The following NLGN1 variants were observed in gnomAD, a reference collection of about 807,000 sequenced individuals.
The protein encoded by NLGN1 is neuroligin-1.
Under a neutral mutation model 65.5 loss-of-function variants are expected in NLGN1, and 12 were observed. That is an observed-to-expected ratio of 0.18 (90% CI 0.12 to 0.30). NLGN1 has a LOEUF of 0.30. NLGN1 is among the 10% of genes least tolerant of loss of function. NLGN1 has a pLI of 1.00. For missense variants in NLGN1, 750 were observed against 1,007.1 expected, an observed-to-expected ratio of 0.74 and a Z score of 3.46; for synonymous variants, 350 against 359.5, an observed-to-expected ratio of 0.97 and a Z score of 0.30.
intron 3 of NLGN1, among the ~76,000 whole-genome samples, chr3:173,750,289 T>C (rs2150152172): frequency 6.6e-6 from 1 of 152,228 alleles, no homozygotes; most frequent in East Asian, 1.9e-4. Flanking sequence ...TTTTACTTCG[T>C]GTTAGTGATA....
At chr3:173,560,523 GA>G (rs1742547084) in intron 2 of NLGN1, among the ~76,000 whole-genome samples, 1 of 102,680 alleles carries the variant, frequency 9.7e-6, no homozygotes, top group South Asian at 3.6e-4. Flanking sequence ...TCAACAGAAT[GA>G]TTTTTTTTTT....
At chr3:173,797,380 TA>T (rs771282389) in intron 3 of NLGN1, among the ~76,000 whole-genome samples, 12 of 152,092 alleles carry the variant, frequency 7.9e-5, no homozygotes, top group Non-Finnish European at 1.6e-4. Flanking sequence ...CTGAAATCAC[TA>T]AAATACTGCT....
In NLGN1 at chr3:174,209,623, C is replaced by CTTTTTTTT. The variant is rs796169913; in HGVS notation, c.647-65673_647-65666dup. On this transcript the variant is annotated intron_variant, in intron 4 of 6. Coordinates refer to ENST00000457714, the Ensembl canonical transcript of NLGN1. Reference sequence around the variant, plus strand: ...CCCTGGTGTCTATCAACCTTTCTTTCTTTTTTTTTTTTTTTTTTTTTTTTT... The same window carrying CTTTTTTTT: ...CCCTGGTGTCTATCAACCTTTCTTTCTTTTTTTTTTTTTTTTTTTTTTTTTTTTTTTTT... Among the ~76,000 whole-genome samples the CTTTTTTTT allele has an allele frequency of 1.2e-3, 101 of 82,090 alleles. 6 individuals carry two copies. The highest frequency in any genetic ancestry group is 3.1e-3 in the East Asian group (10 of 3,190). The allele number at this position is 82,090 out of a possible 152,430, so 53.9% of individuals were successfully genotyped here.
At chr3:173,700,593 G>C (rs2149876863) in intron 3 of NLGN1, among the ~76,000 whole-genome samples, 1 of 152,236 alleles carries the variant, frequency 6.6e-6, no homozygotes, top group African/African-American at 2.4e-5. Flanking sequence ...ATAATTAAAT[G>C]CCTGTTTTCT....
chr3:173,654,253 C>A (rs1316567257), intron 3 of NLGN1, among the ~76,000 whole-genome samples: 1 of 151,886 alleles, frequency 6.6e-6, no homozygotes, highest in Non-Finnish European at 1.5e-5. Context: ...ATTTTTCTAC[C>A]CTATTCTATT....
intron 3 of NLGN1, among the ~76,000 whole-genome samples, chr3:173,806,041 A>G (rs1215412796): frequency 6.6e-6 from 1 of 152,150 alleles, no homozygotes; most frequent in Non-Finnish European, 1.5e-5. Flanking sequence ...TCCTTCCCTC[A>G]CTACTTAAAA....
intron 4 of NLGN1, among the ~76,000 whole-genome samples, chr3:173,890,844 G>A (rs983411480): frequency 1.3e-5 from 2 of 152,052 alleles, no homozygotes; most frequent in East Asian, 3.9e-4. Context: ...AATCTATGTG[G>A]CATGGCAATT....
At chr3:173,454,078 C>T (rs1009656580) in intron 2 of NLGN1, among the ~76,000 whole-genome samples, 7 of 152,168 alleles carry the variant, frequency 4.6e-5, no homozygotes, top group Non-Finnish European at 7.3e-5. Flanking sequence ...TTGTATATCT[C>T]CATCAGAGCT....
chr3:174,249,059 G>T (rs2152840263), intron 4 of NLGN1, among the ~76,000 whole-genome samples: 1 of 152,258 alleles, frequency 6.6e-6, no homozygotes, highest in South Asian at 2.1e-4. Context: ...AATTCCATTA[G>T]TGCCCATATA....
At chr3:173,399,800 TAC>T (rs1223954389) in intron 1 of NLGN1, 1 of 152,234 alleles carries the variant, frequency 6.6e-6, no homozygotes, top group Non-Finnish European at 1.5e-5. Flanking sequence ...AACTATAAAA[TAC>T]AGTTATAAAT....
chr3:174,183,834 G>A (rs1730893566), intron 4 of NLGN1, among the ~76,000 whole-genome samples: 1 of 152,156 alleles, frequency 6.6e-6, no homozygotes, highest in Admixed American at 6.5e-5. Context: ...GGTACTGGAA[G>A]TTGTGTCTCA....
intron 3 of NLGN1, among the ~76,000 whole-genome samples, chr3:173,638,875 C>T (rs1362543312): frequency 6.6e-6 from 1 of 151,900 alleles, no homozygotes; most frequent in Non-Finnish European, 1.5e-5. Context: ...TTAATTGTTT[C>T]TGAGGTATAG....
At chr3:173,800,417 AT>A (rs555200166) in intron 3 of NLGN1, 11 of 489,440 alleles carry the variant, frequency 2.2e-5, no homozygotes, top group Admixed American at 4.1e-5. Flanking sequence ...ACCCCTTTCT[AT>A]TTTTTTACTT....
chr3:173,480,676 G>A (rs940047528), intron 2 of NLGN1, among the ~76,000 whole-genome samples: 2 of 152,054 alleles, frequency 1.3e-5, no homozygotes, highest in African/African-American at 2.4e-5. Flanking sequence ...AAATCTCTAG[G>A]TAATTCAACT....
chr3:173,816,674 C>T (rs1014084035), intron 4 of NLGN1, among the ~76,000 whole-genome samples: 2 of 152,206 alleles, frequency 1.3e-5, no homozygotes, highest in Admixed American at 6.5e-5. Context: ...GTGGTCCTGG[C>T]CTGCATTTCT....
upstream of NLGN1, chr3:173,397,748 C>A (rs999268889): frequency 5.3e-5 from 8 of 152,274 alleles, no homozygotes; most frequent in African/African-American, 1.9e-4. Flanking sequence ...GGGAGCGCCG[C>A]GGCTGTAAGC....
At chr3:174,265,454 C>A (rs936168282) in intron 4 of NLGN1, among the ~76,000 whole-genome samples, 3 of 152,082 alleles carry the variant, frequency 2.0e-5, no homozygotes, top group Admixed American at 6.5e-5. Context: ...CAGGTGCGTC[C>A]GTCACCCCTT....
intron 4 of NLGN1, among the ~76,000 whole-genome samples, chr3:174,109,884 C>T (rs766467827): frequency 7.7e-4 from 117 of 152,000 alleles, no homozygotes; most frequent in Non-Finnish European, 1.4e-3. Context: ...AATCAGAAGC[C>T]ATCCACATGT....
intron 4 of NLGN1, among the ~76,000 whole-genome samples, chr3:173,883,281 A>G (rs1248881564): frequency 6.6e-6 from 1 of 152,182 alleles, no homozygotes; most frequent in Non-Finnish European, 1.5e-5. Context: ...GAAAGTCTCA[A>G]AAGGAGGCGA....
Sources: gnomAD v4.1 joint callset for allele counts (sites outside exome capture counted in the v4.1 genomes callset) on GRCh38, gnomAD v4.1.1 for gene constraint, MANE v1.5 for transcripts, NCBI Gene and HGNC (gene_info 2026-07-23, HGNC 2026-07-21) for gene names.